The following GSE1 variants were observed in gnomAD, a reference collection of about 807,000 sequenced individuals.
The protein encoded by GSE1 is genetic suppressor element 1.
GSE1 carries 32 observed loss-of-function variants against 112.6 expected under a neutral mutation model. That is an observed-to-expected ratio of 0.28 (90% confidence interval 0.21 to 0.38). GSE1 has a LOEUF of 0.38. Among genes scored for constraint, GSE1 ranks in the 10% least tolerant of loss-of-function variants. The pLI is 1.00. For missense variants in GSE1, 2,348 were observed against 1,699.2 expected, an observed-to-expected ratio of 1.38 and a Z score of -6.71; for synonymous variants, 1,115 against 735.6, an observed-to-expected ratio of 1.52 and a Z score of -8.35.
intron 2 of GSE1, among the ~76,000 whole-genome samples, chr16:85,642,383 C>T (rs1354776003): frequency 6.6e-6 from 1 of 152,166 alleles, no homozygotes; most frequent in African/African-American, 2.4e-5. Flanking sequence ...AGGAAGAGCC[C>T]CCAGGTTAGC....
At chr16:85,456,944 T>G (rs960892383) in intron 2 of GSE1, among the ~76,000 whole-genome samples, 19 of 152,154 alleles carry the variant, frequency 1.2e-4, no homozygotes, top group Admixed American at 8.5e-4. Flanking sequence ...GGCCTTGCCT[T>G]GCTAAGTCAC....
chr16:85,608,062 A>G (rs534840062), upstream of GSE1, among the ~76,000 whole-genome samples: 25 of 152,118 alleles, frequency 1.6e-4, no homozygotes, highest in Non-Finnish European at 3.2e-4. Context: ...CAACCTGGAG[A>G]GATGAATTCC....
rs530002256 is a variant in GSE1 at position 85,413,991 on chromosome 16, C to T, written c.2464+56348C>T. The stretch of plus-strand genomic sequence containing the variant: ...GGCACCTTGCTTCTCTCTCACCTTC[C>T]GCCATGATTGTAAGTTCCTGAGGCC... On this transcript the variant is annotated intron_variant, in intron 2 of 2. Coordinates refer to the GSE1 transcript ENST00000637419. Among the ~76,000 whole-genome samples the T allele has an allele frequency of 3.9e-4, 60 of 152,322 alleles. 1 individual carries two copies. The highest frequency in any genetic ancestry group is 3.5e-3 in the Admixed American group (53 of 15,292).
At chr16:85,636,894 G>A (rs1422105630) in intron 2 of GSE1, among the ~76,000 whole-genome samples, 2 of 152,060 alleles carry the variant, frequency 1.3e-5, no homozygotes, top group African/African-American at 2.4e-5. Flanking sequence ...TGACAGTGGG[G>A]ACATGTGGAC....
chr16:85,519,712 GTCATCATCATCACCATCACCA>G (rs2052110875), intron 2 of GSE1, among the ~76,000 whole-genome samples: 2 of 116,934 alleles, frequency 1.7e-5, no homozygotes, highest in South Asian at 2.8e-4. Flanking sequence ...CTCCATCACT[GTCATCATCATCACCATCACCA>G]TCACCACCAT....
intron 1 of GSE1, among the ~76,000 whole-genome samples, chr16:85,225,162 C>T (rs148508551): frequency 6.6e-4 from 101 of 152,128 alleles, no homozygotes; most frequent in African/African-American, 2.4e-3. Flanking sequence ...TAGTAGACCA[C>T]GTGGGATCAC....
rs2050627010 is a variant in GSE1, at chr16:85,480,175, C to CTGGG, written c.2464+122533_2464+122534insGGGT. Among the ~76,000 whole-genome samples the CTGGG allele has an allele frequency of 2.6e-5, 4 of 152,354 alleles. No homozygotes were observed. In the South Asian group the frequency reaches 8.3e-4, roughly 32 times the overall value. On this transcript the variant is annotated intron_variant, in intron 2 of 2. Transcript: ENST00000637419. ...GAAGTAAGGAGCCAGGGTCATCGGC[C>CTGGG]TCAAGGGCCCCAGCCAGGAGTAAGA...
chr16:85,495,657 A>AT (rs201566572), intron 2 of GSE1, among the ~76,000 whole-genome samples: 1 of 150,108 alleles, frequency 6.7e-6, no homozygotes, highest in African/African-American at 2.4e-5. Context: ...CGTCTAGCTA[A>AT]TTTTTTAAAA....
intron 2 of GSE1, among the ~76,000 whole-genome samples, chr16:85,398,882 C>G (rs2048026849): frequency 6.6e-6 from 1 of 152,012 alleles, no homozygotes; most frequent in African/African-American, 2.4e-5. Flanking sequence ...TGCGCACCGA[C>G]ATGTGTGGTA....
At chr16:85,548,059 C>G (rs1294692132) in intron 2 of GSE1, among the ~76,000 whole-genome samples, 1 of 151,446 alleles carries the variant, frequency 6.6e-6, no homozygotes, top group Non-Finnish European at 1.5e-5. Context: ...AACGCTGTCT[C>G]TACTAAAAAT....
At chr16:85,611,521 A>G (rs1375068863), upstream of GSE1, 17 of 978,598 alleles carry the variant, frequency 1.7e-5, no homozygotes, top group South Asian at 4.3e-4. Context: ...AGGGCCGGCC[A>G]GCGTCCGCAG....
chr16:85,622,036 C>G (rs1276669024), intron 1 of GSE1, among the ~76,000 whole-genome samples: 1 of 152,202 alleles, frequency 6.6e-6, no homozygotes, highest in Non-Finnish European at 1.5e-5. Flanking sequence ...CACTGGGATT[C>G]TGGAGGGGCG....
intron 1 of GSE1, among the ~76,000 whole-genome samples, chr16:85,207,539 C>G (rs2075140763): frequency 7.3e-6 from 1 of 137,554 alleles, no homozygotes; most frequent in Non-Finnish European, 1.6e-5. Flanking sequence ...GGCCCCTGCA[C>G]CCTGCCCCAG....
At chr16:85,517,324 T>A (rs1467422049) in intron 2 of GSE1, among the ~76,000 whole-genome samples, 1 of 152,208 alleles carries the variant, frequency 6.6e-6, no homozygotes, top group African/African-American at 2.4e-5. Context: ...TTGGTCCTGC[T>A]GCTTAACCTC....
chr16:85,172,262 C>T (rs1383641285), intron 1 of GSE1, among the ~76,000 whole-genome samples: 4 of 152,208 alleles, frequency 2.6e-5, no homozygotes, highest in South Asian at 2.1e-4. Flanking sequence ...TTCTAGCTCC[C>T]GTGTGGCTTG....
At chr16:85,221,363 T>G (rs544249869) in intron 1 of GSE1, among the ~76,000 whole-genome samples, 1 of 151,678 alleles carries the variant, frequency 6.6e-6, no homozygotes, top group East Asian at 1.9e-4. Context: ...ACACACACCA[T>G]GTACATATAC....
chr16:85,445,285 C>T (rs1205187985), intron 2 of GSE1, among the ~76,000 whole-genome samples: 1 of 152,232 alleles, frequency 6.6e-6, no homozygotes, highest in Non-Finnish European at 1.5e-5. Flanking sequence ...GCCACTGCTG[C>T]TAGCACAGTG....
At chr16:85,428,068 G>A (rs1410008786) in intron 2 of GSE1, among the ~76,000 whole-genome samples, 1 of 152,192 alleles carries the variant, frequency 6.6e-6, no homozygotes, top group Non-Finnish European at 1.5e-5. Flanking sequence ...AGGACCTGCT[G>A]CATTGGACAG....
chr16:85,181,614 T>C (rs1483081080), intron 1 of GSE1, among the ~76,000 whole-genome samples: 3 of 152,206 alleles, frequency 2.0e-5, no homozygotes, highest in Non-Finnish European at 4.4e-5. Flanking sequence ...TTTATTCACC[T>C]TTCCAGACCC....
Sources: gnomAD v4.1 joint callset for allele counts (sites outside exome capture counted in the v4.1 genomes callset) on GRCh38, gnomAD v4.1.1 for gene constraint, MANE v1.5 for transcripts, NCBI Gene and HGNC (gene_info 2026-07-23, HGNC 2026-07-21) for gene names.